The following CAMTA1 variants were observed in gnomAD, a reference collection of about 807,000 sequenced individuals.
CAMTA1 encodes calmodulin-binding transcription activator 1.
In CAMTA1, 27 loss-of-function variants were observed where a neutral mutation model predicts 170.9. That is an observed-to-expected ratio of 0.16 (90% CI 0.12 to 0.22). CAMTA1 has a LOEUF of 0.22. Among genes scored for constraint, CAMTA1 ranks in the 10% least tolerant of loss-of-function variants. The pLI is 1.00. For missense variants in CAMTA1, 1,619 were observed against 2,217.2 expected (o/e 0.73, Z 5.42); for synonymous variants, 833 against 891.5 (o/e 0.93, Z 1.17).
Position 6,971,468 on chromosome 1 carries a change from G to A in CAMTA1, c.235-119836G>A, listed in dbSNP as rs150213210. ...TGCAAGCCCCTCAGTGGGGGAGTCCGGTTTGATTTGGTTTTGTTTTTACCA... is the reference window on the plus strand; with the variant it reads ...TGCAAGCCCCTCAGTGGGGGAGTCCAGTTTGATTTGGTTTTGTTTTTACCA... On this transcript the variant is annotated intron_variant, in intron 3 of 22. Transcript: ENST00000303635. The surrounding 1 kb of genome is among the most constrained non-coding windows in gnomAD (Gnocchi z 4.6). Among the ~76,000 whole-genome samples, 167 of 152,238 alleles carry A rather than the reference G, an allele frequency of 1.1e-3. 4 individuals are homozygous for A. In the East Asian group the frequency reaches 0.03, roughly 28 times the overall value.
chr1:7,078,509 A>G (rs1332472443), intron 3 of CAMTA1, among the ~76,000 whole-genome samples: 1 of 152,196 alleles, frequency 6.6e-6, no homozygotes, highest in Non-Finnish European at 1.5e-5. Flanking sequence ...GACAACAATG[A>G]CACCCTCAAA....
intron 3 of CAMTA1, among the ~76,000 whole-genome samples, chr1:6,920,410 G>T (rs948735890): frequency 3.0e-4 from 46 of 152,192 alleles, no homozygotes; most frequent in African/African-American, 1.1e-3. Context: ...CTCCCTCCTT[G>T]CTACTTTCAC....
At chr1:6,876,017 T>C (rs1356760877) in intron 3 of CAMTA1, among the ~76,000 whole-genome samples, 1 of 152,240 alleles carries the variant, frequency 6.6e-6, no homozygotes, top group Non-Finnish European at 1.5e-5. Context: ...GTACTGTTTC[T>C]GTAGGAAAAG....
At chr1:7,612,933 A>G (rs981754152) in intron 6 of CAMTA1, among the ~76,000 whole-genome samples, 1 of 152,222 alleles carries the variant, frequency 6.6e-6, no homozygotes, top group African/African-American at 2.4e-5. Context: ...CCTGCTCCCC[A>G]GGAGTCCCCA....
chr1:7,507,686 G>GGGGCCCA (rs2094141149), intron 6 of CAMTA1, among the ~76,000 whole-genome samples: 2 of 152,226 alleles, frequency 1.3e-5, no homozygotes, highest in Admixed American at 1.3e-4. Flanking sequence ...GCAACAGGTA[G>GGGGCCCA]GGGCCCAGGC....
At chr1:7,085,736 G>A (rs577706447) in intron 3 of CAMTA1, among the ~76,000 whole-genome samples, 1 of 152,350 alleles carries the variant, frequency 6.6e-6, no homozygotes, top group South Asian at 2.1e-4. Context: ...GCCCCCATGG[G>A]GCAGCCTCTG....
chr1:6,867,818 C>T (rs761591374), intron 3 of CAMTA1, among the ~76,000 whole-genome samples: 3 of 151,370 alleles, frequency 2.0e-5, no homozygotes, highest in African/African-American at 4.9e-5. Flanking sequence ...TTTTTTCCCT[C>T]CCCCAGAGAC....
chr1:7,473,478 G>C (rs2093368259), intron 6 of CAMTA1, among the ~76,000 whole-genome samples: 1 of 152,228 alleles, frequency 6.6e-6, no homozygotes, highest in South Asian at 2.1e-4. Context: ...TCCATACTCA[G>C]GCCCTAGAGA....
chr1:7,209,179 T>A (rs1163083231), intron 4 of CAMTA1, among the ~76,000 whole-genome samples: 3 of 152,158 alleles, frequency 2.0e-5, no homozygotes, highest in Non-Finnish European at 4.4e-5. Context: ...TGCTCTAGAG[T>A]CTACGCTGTT....
chr1:6,946,434 CTCTTG>C (rs1687591153), intron 3 of CAMTA1, among the ~76,000 whole-genome samples: 2 of 152,148 alleles, frequency 1.3e-5, no homozygotes, highest in South Asian at 4.1e-4. Flanking sequence ...GCCTTCTGAA[CTCTTG>C]TCTTAGCCTC....
intron 11 of CAMTA1, among the ~76,000 whole-genome samples, chr1:7,696,019 G>C (rs1429105108): frequency 6.6e-6 from 1 of 152,134 alleles, no homozygotes; most frequent in Non-Finnish European, 1.5e-5. Context: ...TTCCCTAAAA[G>C]GACAACTTTC....
intron 6 of CAMTA1, among the ~76,000 whole-genome samples, chr1:7,500,024 G>T (rs149565829): frequency 0.014 from 2,043 of 144,542 alleles, 115 homozygotes; most frequent in African/African-American, 0.051. Context: ...CATTTACTGT[G>T]TAGAGAGGAT....
At chr1:6,876,419 T>C (rs183439363) in intron 3 of CAMTA1, among the ~76,000 whole-genome samples, 20 of 151,878 alleles carry the variant, frequency 1.3e-4, no homozygotes, top group African/African-American at 4.6e-4. Flanking sequence ...TGGAGTGCAA[T>C]GGTGTGATCT....
chr1:7,687,992 CG>C (rs2096273235), intron 11 of CAMTA1, among the ~76,000 whole-genome samples: 1 of 136,262 alleles, frequency 7.3e-6, no homozygotes, highest in Non-Finnish European at 1.6e-5. Context: ...AAATCGATTA[CG>C]TCGGACTCTC....
intron 5 of CAMTA1, among the ~76,000 whole-genome samples, chr1:7,263,313 G>A (rs943444417): frequency 2.6e-5 from 4 of 152,156 alleles, no homozygotes; most frequent in Non-Finnish European, 4.4e-5. Flanking sequence ...AGTGTTTGCC[G>A]TGACATATTG....
chr1:7,232,426 A>G (rs1663012172), intron 4 of CAMTA1, among the ~76,000 whole-genome samples: 1 of 152,216 alleles, frequency 6.6e-6, no homozygotes, highest in African/African-American at 2.4e-5. Context: ...TATGTTTTGC[A>G]CCAAAGGTTT....
intron 1 of CAMTA1, among the ~76,000 whole-genome samples, chr1:6,813,065 C>G (rs932639052): frequency 6.6e-6 from 1 of 152,204 alleles, no homozygotes; most frequent in Admixed American, 6.5e-5. Context: ...ATTTTTGTCT[C>G]TATCCCATGG....
Position 7,723,718 on chromosome 1 carries a change from C to T in CAMTA1, c.2915-8730C>T, listed in dbSNP as rs181332149. On this transcript the variant is annotated intron_variant, in intron 11 of 22. Coordinates refer to ENST00000303635, the MANE Select transcript of CAMTA1 (RefSeq NM_015215.4). ...GGGTGCCTCACCTCTGATACTCTTCCTAAAAACCCAGAACCCAGTCTAAGG... is the reference window on the plus strand; with the variant it reads ...GGGTGCCTCACCTCTGATACTCTTCTTAAAAACCCAGAACCCAGTCTAAGG... Among the ~76,000 whole-genome samples the T allele has an allele frequency of 3.4e-3, 523 of 152,250 alleles. 3 individuals are homozygous for T. Among genetic ancestry groups the T allele is most frequent in the African/African-American group, 0.012 (506 of 41,504 alleles).
chr1:7,520,046 A>C (rs1023883099), intron 6 of CAMTA1, among the ~76,000 whole-genome samples: 11 of 149,570 alleles, frequency 7.4e-5, no homozygotes, highest in Non-Finnish European at 1.5e-4. Flanking sequence ...TTCAGCACAA[A>C]AAGCAACTCC....
Sources: allele counts gnomAD v4.1 joint callset (sites outside exome capture counted in the v4.1 genomes callset), GRCh38; gene constraint gnomAD v4.1.1; non-coding constraint Gnocchi (gnomAD v3.1); transcripts MANE v1.5; gene names NCBI Gene and HGNC (gene_info 2026-07-23, HGNC 2026-07-21).